Variants in NUGGC observed in about 807,000 individuals in gnomAD.
NUGGC encodes the protein nuclear GTPase, germinal center associated, also known as nuclear GTPase SLIP-GC.
A neutral mutation model predicts 92.6 loss-of-function variants in NUGGC; 58 were observed. The ratio of observed to expected loss-of-function variants is 0.63; its 90% CI spans 0.51 to 0.78. The LOEUF (loss-of-function observed/expected upper bound fraction) is 0.78, where lower values mean the gene tolerates loss of function less well. Among genes scored for constraint, NUGGC ranks in the 30% least tolerant of loss-of-function variants. The probability of loss-of-function intolerance (pLI) is 0.00; values close to 1 mark genes in which losing one functional copy is unlikely to be tolerated. For missense variants in NUGGC, 925 were observed against 964.6 expected (o/e 0.96, Z 0.54); for synonymous variants, 376 against 366.4 (o/e 1.03, Z -0.30).
At chr8:28,078,149 G>GT (rs1422139286) in intron 1 of NUGGC, among the ~76,000 whole-genome samples, 1 of 152,330 alleles carries the variant, frequency 6.6e-6, no homozygotes, top group East Asian at 1.9e-4. Flanking sequence ...AGCATCTATG[G>GT]TTTCTGTATA....
intron 16 of NUGGC, 96 bp downstream of exon 16, chr8:28,030,214 A>C (rs1809379737): frequency 2.8e-6 from 2 of 710,238 alleles, no homozygotes; most frequent in African/African-American, 3.5e-5. Context: ...AGGGTGCAAG[A>C]GAACAGGGCC....
At chr8:28,049,770 G>A (rs551168904) in intron 10 of NUGGC, among the ~76,000 whole-genome samples, 7 of 152,194 alleles carry the variant, frequency 4.6e-5, no homozygotes. Context: ...GTATGTGAGA[G>A]AGGAGAAAAC....
At chr8:28,058,409 T>A (rs549084046) in intron 8 of NUGGC, 133 bp from the exon 9 acceptor site, 1 of 197,246 alleles carries the variant, frequency 5.1e-6, no homozygotes, top group African/African-American at 2.4e-5. Flanking sequence ...TTTGACCCAA[T>A]GCTCTCTCTT....
At position 28,039,928 on chromosome 8, in the gene NUGGC, G is replaced by A. The variant is rs139215887; in HGVS notation, c.1611+1123C>T. Among the ~76,000 whole-genome samples the A allele has an allele frequency of 3.8e-3, 575 of 152,316 alleles. 2 individuals are homozygous for A. The highest frequency in any genetic ancestry group is 0.013 in the African/African-American group (540 of 41,566). ...ATTAAGGTTAAATGGGGTCATAAGG[G>A]TGGGGCCCTGATCTGACAGGTGTGG... On this transcript the variant is annotated intron_variant, in intron 13 of 18. Coordinates refer to ENST00000413272, the MANE Select transcript of NUGGC (RefSeq NM_001010906.2).
chr8:28,040,935 A>G (rs12675621), intron 13 of NUGGC, 116 bp downstream of exon 13: 354,673 of 1,057,724 alleles, frequency 0.34, 64,235 homozygotes, highest in African/African-American at 0.61. Flanking sequence ...ATGAGCCGCC[A>G]TGCCCGGCCC....
At chr8:28,074,267 C>A (rs1810664983) in intron 2 of NUGGC, 101 bp downstream of exon 2, 4 of 808,780 alleles carry the variant, frequency 4.9e-6, no homozygotes, top group East Asian at 2.6e-5. Flanking sequence ...GAGTAAGGAA[C>A]AATGACAACA....
intron 7 of NUGGC, among the ~76,000 whole-genome samples, chr8:28,061,862 C>A (rs1239511968): frequency 6.6e-6 from 1 of 152,204 alleles, no homozygotes; most frequent in Admixed American, 6.5e-5. Flanking sequence ...CCAACCCCAG[C>A]TCCCATCCCA....
intron 8 of NUGGC, among the ~76,000 whole-genome samples, chr8:28,058,477 A>G (rs186566146): frequency 1.5e-3 from 223 of 152,238 alleles, no homozygotes; most frequent in African/African-American, 5.2e-3. Context: ...ACGGCCAGCC[A>G]GCGTTTTGTC....
intron 10 of NUGGC, among the ~76,000 whole-genome samples, chr8:28,050,638 C>T (rs1340718692): frequency 2.0e-5 from 3 of 151,962 alleles, no homozygotes; most frequent in African/African-American, 7.2e-5. Context: ...TGGTGAAACC[C>T]TGTCTTCACT....
rs79383779 is a variant in NUGGC at position 28,060,533 on chromosome 8, G to T, written c.990C>A (p.His330Gln). ...TGATGCTCTCATTCAGAAGGTCTTC[G>T]TGGGCTTGCCCCCCAGAAACTCGCT... ...DIERVSGGQA[H>Q]EDLLNESIKA... Residue 330 changes from histidine (H) to glutamine (Q), a missense_variant, in exon 8 of 19, where the codon CAC becomes CAA. Physicochemically the swap from His to Gln is conservative, Grantham distance 24 (BLOSUM62 0). Transcript: ENST00000413272. 1,087 of 1,613,800 alleles carry T rather than the reference G, an allele frequency of 6.7e-4. 15 individuals carry two copies. The African/African-American group carries it at 0.013, about 19-fold the overall frequency.
chr8:28,079,327 G>A (rs1175679317), intron 1 of NUGGC, among the ~76,000 whole-genome samples: 2 of 152,068 alleles, frequency 1.3e-5, no homozygotes, highest in Non-Finnish European at 2.9e-5. Flanking sequence ...GGATCACAAG[G>A]TCAGGAGTTT....
intron 13 of NUGGC, among the ~76,000 whole-genome samples, chr8:28,040,653 T>C (rs1308737808): frequency 6.6e-6 from 1 of 151,806 alleles, no homozygotes; most frequent in African/African-American, 2.4e-5. Context: ...TTTTTGTTCT[T>C]GTTTTTTTTT....
At chr8:28,074,316 A>G (rs1234257217) in intron 2 of NUGGC, 52 bp downstream of exon 2, 9 of 1,257,378 alleles carry the variant, frequency 7.2e-6, no homozygotes, top group South Asian at 1.2e-5. Flanking sequence ...TTTATCCTAT[A>G]TCAGTAATCA....
At chr8:28,042,494 G>C (rs141002312) in intron 12 of NUGGC, among the ~76,000 whole-genome samples, 1 of 152,286 alleles carries the variant, frequency 6.6e-6, no homozygotes, top group African/African-American at 2.4e-5. Context: ...TTTCATCTTT[G>C]TTACTTCGGA....
At chr8:28,044,073 G>T (rs531947702) in intron 12 of NUGGC, among the ~76,000 whole-genome samples, 1 of 151,880 alleles carries the variant, frequency 6.6e-6, no homozygotes, top group East Asian at 1.9e-4. Flanking sequence ...ACAACCAAAG[G>T]CTCCAGGTGG....
intron 1 of NUGGC, among the ~76,000 whole-genome samples, chr8:28,081,803 G>T (rs372830294): frequency 6.6e-6 from 1 of 151,616 alleles, no homozygotes. Context: ...GCTTGAACCC[G>T]GGAGGCGGAG....
intron 18 of NUGGC, among the ~76,000 whole-genome samples, chr8:28,025,261 C>A (rs1426797630): frequency 6.6e-6 from 1 of 152,246 alleles, no homozygotes; most frequent in Non-Finnish European, 1.5e-5. Flanking sequence ...AAGGCCCTGA[C>A]AACAGGGACT....
rs917886024 is a variant in NUGGC at position 28,023,233 on chromosome 8, T to C, written c.*84A>G. 4 of 1,443,498 alleles carry C rather than the reference T, an allele frequency of 2.8e-6. No individual in the cohort carries two copies. The highest frequency in any genetic ancestry group is 3.7e-6 in the Non-Finnish European group (4 of 1,072,738). 89.4% of individuals were successfully genotyped at this position (1,443,498 alleles called of 1,614,324 possible). A position where few individuals can be genotyped will look rare whatever the true frequency, so the allele number is the denominator to read the frequency against. On this transcript the variant is annotated 3_prime_UTR_variant, in exon 19 of 19. Transcript: ENST00000413272. ...AGCCTGGGCAACAGAGGTAGATAGA[T>C]CTTGTCTCTTAAGAACAAAAAAAGT... is the stretch of plus-strand genomic sequence containing the variant.
At chr8:28,047,687 G>A in intron 10 of NUGGC, 75 bp from the exon 11 acceptor site, 1 of 869,832 alleles carries the variant, frequency 1.1e-6, no homozygotes, top group Non-Finnish European at 1.8e-6. Flanking sequence ...GGACCCACAA[G>A]AGCCTTCAGC....
Sources: allele counts gnomAD v4.1 joint callset (sites outside exome capture counted in the v4.1 genomes callset), GRCh38; gene constraint gnomAD v4.1.1; transcripts MANE v1.5; gene names NCBI Gene and HGNC (gene_info 2026-07-23, HGNC 2026-07-21).